The following GALNT13 variants were observed in gnomAD, a reference collection of about 807,000 sequenced individuals.
GALNT13 encodes the protein UDP-GalNAc:polypeptide N-acetylgalactosaminyltransferase 13.
Under a neutral mutation model 64.2 loss-of-function variants are expected in GALNT13, and 28 were observed. That is an observed-to-expected ratio of 0.44 (90% CI 0.32 to 0.60). The LOEUF is 0.60. Ranked by LOEUF, GALNT13 falls within the 20% of genes least tolerant of loss-of-function variation. The pLI is 0.05. For synonymous variants in GALNT13, 214 were observed against 224.6 expected (o/e 0.95, Z 0.42); for missense variants, 577 against 669.8 (o/e 0.86, Z 1.53).
intron 9 of GALNT13, among the ~76,000 whole-genome samples, chr2:154,386,247 T>G (rs1182673123): frequency 6.6e-6 from 1 of 151,794 alleles, no homozygotes. Flanking sequence ...CTGACTAAAA[T>G]TAGGGGTTTA....
chr2:154,378,034 A>G (rs1360171455), intron 9 of GALNT13, among the ~76,000 whole-genome samples: 1 of 152,082 alleles, frequency 6.6e-6, no homozygotes, highest in African/African-American at 2.4e-5. Flanking sequence ...CTACATTTAT[A>G]TGACCCTTGT....
the GALNT13 span, chr2:153,477,999 C>T: frequency 3.7e-6 from 2 of 545,268 alleles, no homozygotes; most frequent in Non-Finnish European, 6.5e-6. Context: ...GCCCTAATCG[C>T]CCTCTTCTTG....
At chr2:153,744,457 T>C in the GALNT13 span, among the ~76,000 whole-genome samples, 1 of 152,220 alleles carries the variant, frequency 6.6e-6, no homozygotes, top group Admixed American at 6.5e-5. Context: ...CATATGCGTA[T>C]GTCCCATTTG....
At position 154,451,969 on chromosome 2, in the gene GALNT13, A is replaced by C. The variant is rs1268431650; in HGVS notation, c.*1418A>C. 6.6e-6 allele frequency: 1 copy of C among 152,104 alleles called. No individual in the cohort carries two copies. Among genetic ancestry groups the C allele is most frequent in the Non-Finnish European group, 1.5e-5 (1 of 68,022 alleles). The allele number at this position is 152,104 out of a possible 1,614,324, so 9.4% of individuals were successfully genotyped here. The stretch of plus-strand genomic sequence containing the variant: ...AAAGCTCTTATAGAAAGGATTAATC[A>C]TTTTGACTGCATACAAACTATGTCT... On this transcript the variant is annotated 3_prime_UTR_variant, in exon 13 of 13. Transcript: ENST00000392825.
the GALNT13 span, among the ~76,000 whole-genome samples, chr2:153,759,857 TAA>T: frequency 1.3e-5 from 2 of 152,150 alleles, no homozygotes; most frequent in Non-Finnish European, 2.9e-5. Context: ...CTCATTTTTG[TAA>T]GAGTTTGAGA....
At chr2:153,637,201 G>A in the GALNT13 span, among the ~76,000 whole-genome samples, 4 of 152,070 alleles carry the variant, frequency 2.6e-5, no homozygotes, top group African/African-American at 9.6e-5. Flanking sequence ...TAAAATGATC[G>A]AATCTTATGA....
At chr2:154,120,193 C>G (rs559846756) in intron 3 of GALNT13, among the ~76,000 whole-genome samples, 47 of 152,274 alleles carry the variant, frequency 3.1e-4, no homozygotes, top group Non-Finnish European at 6.2e-4. Context: ...TTCCAGTTGG[C>G]TTGGCTGCTA....
the GALNT13 span, among the ~76,000 whole-genome samples, chr2:153,625,769 A>G: frequency 3.9e-5 from 6 of 151,998 alleles, no homozygotes; most frequent in Non-Finnish European, 8.8e-5. Flanking sequence ...AGAACAAAAT[A>G]CCCCAGACAG....
chr2:154,093,419 G>A (rs1701919159), intron 3 of GALNT13, among the ~76,000 whole-genome samples: 1 of 151,886 alleles, frequency 6.6e-6, no homozygotes, highest in African/African-American at 2.4e-5. Flanking sequence ...CAATATTTAT[G>A]TAGCATCTCT....
chr2:153,535,600 T>C, the GALNT13 span, among the ~76,000 whole-genome samples: 8 of 150,818 alleles, frequency 5.3e-5, no homozygotes, highest in South Asian at 2.1e-4. Flanking sequence ...AGCATCTATA[T>C]AGGAGCTTAA....
chr2:154,436,954 A>T (rs566208116), intron 11 of GALNT13: 47 of 152,200 alleles, frequency 3.1e-4, no homozygotes, highest in African/African-American at 1.1e-3. Flanking sequence ...ACCCAGACTG[A>T]GTGCAGTGGT....
the GALNT13 span, among the ~76,000 whole-genome samples, chr2:153,715,639 A>C: frequency 6.6e-6 from 1 of 152,238 alleles, no homozygotes; most frequent in Non-Finnish European, 1.5e-5. Flanking sequence ...TCAAACAGCA[A>C]ATGGCTGATA....
At chr2:154,018,285 C>G (rs987982079) in intron 3 of GALNT13, among the ~76,000 whole-genome samples, 3 of 152,170 alleles carry the variant, frequency 2.0e-5, no homozygotes, top group Admixed American at 1.3e-4. Context: ...AACTGCCACT[C>G]CCAACCATAG....
the GALNT13 span, among the ~76,000 whole-genome samples, chr2:153,813,079 G>A: frequency 1.3e-5 from 2 of 152,114 alleles, no homozygotes; most frequent in East Asian, 1.9e-4. Flanking sequence ...CTGATTTCTT[G>A]TTGGGTTCAT....
chr2:154,086,348 G>A (rs1165807057), intron 3 of GALNT13, among the ~76,000 whole-genome samples: 1 of 147,378 alleles, frequency 6.8e-6, no homozygotes, highest in Non-Finnish European at 1.5e-5. Flanking sequence ...AGCAATTATA[G>A]GCATCACACA....
the GALNT13 span, among the ~76,000 whole-genome samples, chr2:153,524,467 A>T: frequency 6.6e-6 from 1 of 152,102 alleles, no homozygotes; most frequent in Non-Finnish European, 1.5e-5. Context: ...CTCACAGTGC[A>T]TGGCTTTAGC....
chr2:153,963,926 T>G (rs1693137636), intron 3 of GALNT13, among the ~76,000 whole-genome samples: 1 of 152,164 alleles, frequency 6.6e-6, no homozygotes, highest in African/African-American at 2.4e-5. Context: ...CTAACGTATT[T>G]TTTTATGCTT....
the GALNT13 span, among the ~76,000 whole-genome samples, chr2:153,566,357 T>TTTTTTG: frequency 1.4e-5 from 2 of 138,056 alleles, no homozygotes; most frequent in East Asian, 2.2e-4. Context: ...CGTTTTTTTT[T>TTTTTTG]TTTTTTTTTT....
At chr2:153,971,728 T>G (rs10205027) in intron 3 of GALNT13, among the ~76,000 whole-genome samples, 59,316 of 151,992 alleles carry the variant, frequency 0.39, 14,635 homozygotes, top group Non-Finnish European at 0.55. Flanking sequence ...CTGATAAAAA[T>G]GCATGCATTC....
Sources: allele counts gnomAD v4.1 joint callset (sites outside exome capture counted in the v4.1 genomes callset), GRCh38; gene constraint gnomAD v4.1.1; transcripts MANE v1.5; gene names NCBI Gene and HGNC (gene_info 2026-07-23, HGNC 2026-07-21).